APLF: variants seen among roughly 807,000 people sequenced by gnomAD.
APLF encodes aprataxin and PNKP like factor, also known as aprataxin and PNK-like factor.
A neutral mutation model predicts 55.6 loss-of-function variants in APLF; 61 were observed. The observed-to-expected ratio is 1.10, with a 90% CI of 0.89 to 1.36. APLF has a LOEUF of 1.36. Among genes scored for constraint, APLF ranks in the 40% most tolerant of loss-of-function variants. The pLI, the probability that APLF is intolerant of heterozygous loss-of-function variation, is 0.00. For synonymous variants in APLF, 207 were observed against 214.8 expected, an observed-to-expected ratio of 0.96 and a Z score of 0.32; for missense variants, 611 against 602.5, an observed-to-expected ratio of 1.01 and a Z score of -0.15.
intron 1 of APLF, among the ~76,000 whole-genome samples, chr2:68,488,923 GTAAC>G (rs1459677123): frequency 6.6e-6 from 1 of 151,892 alleles, no homozygotes; most frequent in Non-Finnish European, 1.5e-5. Flanking sequence ...GTATACATAT[GTAAC>G]TAACCTGCAC....
At chr2:68,495,339 A>C (rs943490902) in intron 2 of APLF, among the ~76,000 whole-genome samples, 1 of 152,176 alleles carries the variant, frequency 6.6e-6, no homozygotes, top group Admixed American at 6.5e-5. Flanking sequence ...TTGGGTAGAC[A>C]TCCCTGTTTC....
chr2:68,515,585 A>G (rs1446080545), intron 5 of APLF: 11 of 984,694 alleles, frequency 1.1e-5, no homozygotes, highest in Non-Finnish European at 1.3e-5. Flanking sequence ...CCCTTGGTAG[A>G]TGTCCCACAT....
intron 3 of APLF, among the ~76,000 whole-genome samples, chr2:68,505,934 T>C (rs552947040): frequency 9.2e-5 from 14 of 152,036 alleles, no homozygotes; most frequent in African/African-American, 3.4e-4. Flanking sequence ...CCTCTAATCA[T>C]GATTGGTTTT....
intron 5 of APLF, among the ~76,000 whole-genome samples, chr2:68,524,804 A>G (rs535868161): frequency 6.6e-6 from 1 of 152,248 alleles, no homozygotes; most frequent in South Asian, 2.1e-4. Flanking sequence ...TGAACAAGGC[A>G]TGTAAAGTTT....
intron 3 of APLF, among the ~76,000 whole-genome samples, chr2:68,508,919 C>T (rs374974969): frequency 6.6e-6 from 1 of 151,968 alleles, no homozygotes; most frequent in Non-Finnish European, 1.5e-5. Flanking sequence ...TAACACCACA[C>T]ATCTACAACC....
intron 5 of APLF, among the ~76,000 whole-genome samples, chr2:68,523,621 T>C (rs1225515212): frequency 1.3e-5 from 2 of 151,912 alleles, no homozygotes. Flanking sequence ...TTTTTAATGA[T>C]ACATATATAT....
At chr2:68,484,443 C>T (rs779081819) in intron 1 of APLF, among the ~76,000 whole-genome samples, 37 of 152,128 alleles carry the variant, frequency 2.4e-4, no homozygotes, top group South Asian at 4.1e-4. Flanking sequence ...AAGCCCAGCA[C>T]TTTGGGAGGC....
chr2:68,491,083 A>T (rs1182892714), intron 2 of APLF, among the ~76,000 whole-genome samples: 1 of 152,078 alleles, frequency 6.6e-6, no homozygotes, highest in African/African-American at 2.4e-5. Flanking sequence ...CATCTTTTTA[A>T]TTTTAGTACT....
At position 68,513,198 on chromosome 2, in the gene APLF, A is replaced by C; in HGVS notation, c.460A>C (p.Lys154Gln). The C allele has an allele frequency of 6.2e-7, 1 of 1,610,306 alleles. No homozygotes were observed. The highest frequency in any genetic ancestry group is 1.1e-5 in the South Asian group (1 of 90,600). The change falls in exon 4 of 10, where the codon AAG becomes CAG. Residue 154 changes from lysine to glutamine, a missense_variant. Coordinates refer to ENST00000303795, the MANE Select transcript of APLF (RefSeq NM_173545.3). ...SQLEGSTEIA[K>Q]TQMTPTNSVS... is the part of the protein sequence containing the mutation. ...ACTGGAAGGAAGCACAGAAATAGCCAAGACCCAGATGACTCCCACAAATAG... is the reference window on the plus strand; with the variant it reads ...ACTGGAAGGAAGCACAGAAATAGCCCAGACCCAGATGACTCCCACAAATAG...
chr2:68,503,274 ATTAAC>A (rs1676777738), intron 3 of APLF, among the ~76,000 whole-genome samples: 1 of 152,104 alleles, frequency 6.6e-6, no homozygotes, highest in South Asian at 2.1e-4. Context: ...TTATTAAGGT[ATTAAC>A]TTCTGACTTA....
At chr2:68,573,542 G>C (rs925539046) in intron 9 of APLF, among the ~76,000 whole-genome samples, 2 of 151,824 alleles carry the variant, frequency 1.3e-5, no homozygotes, top group South Asian at 4.1e-4. Context: ...GCGTGGTGGC[G>C]GGGGCCTGTA....
At chr2:68,485,180 A>G (rs2103897352) in intron 1 of APLF, among the ~76,000 whole-genome samples, 1 of 152,230 alleles carries the variant, frequency 6.6e-6, no homozygotes, top group Non-Finnish European at 1.5e-5. Flanking sequence ...CGTTTTCAAT[A>G]ATGCACTTTT....
At chr2:68,499,778 T>A (rs1276495113) in intron 2 of APLF, among the ~76,000 whole-genome samples, 3 of 152,006 alleles carry the variant, frequency 2.0e-5, no homozygotes, top group Non-Finnish European at 4.4e-5. Context: ...GCAGAGGTTG[T>A]AGTGAGTAGA....
intron 2 of APLF, among the ~76,000 whole-genome samples, chr2:68,492,365 C>T (rs927248505): frequency 6.6e-6 from 1 of 152,040 alleles, no homozygotes; most frequent in Non-Finnish European, 1.5e-5. Context: ...GTAGTCCCAG[C>T]TACTCTGGAG....
intron 8 of APLF, among the ~76,000 whole-genome samples, chr2:68,554,020 A>G (rs775801565): frequency 1.3e-5 from 2 of 152,092 alleles, no homozygotes; most frequent in Non-Finnish European, 2.9e-5. Context: ...AGATAATCTT[A>G]CTATTATACT....
chr2:68,518,993 G>GATAATATATTGTTAATATATAATAATAT (rs1669791700), intron 5 of APLF, among the ~76,000 whole-genome samples: 2 of 107,498 alleles, frequency 1.9e-5, no homozygotes, highest in Non-Finnish European at 3.4e-5. Context: ...TACAATATCT[G>GATAATATATTGTTAATATATAATAATAT]ATAATATATT....
At chr2:68,489,655 A>G (rs756228171) in intron 1 of APLF, among the ~76,000 whole-genome samples, 15 of 152,112 alleles carry the variant, frequency 9.9e-5, no homozygotes, top group Non-Finnish European at 2.2e-4. Flanking sequence ...GCCTTCCTGA[A>G]CTCTTAACTG....
intron 8 of APLF, among the ~76,000 whole-genome samples, chr2:68,548,846 A>G (rs771692463): frequency 6.6e-6 from 1 of 151,934 alleles, no homozygotes; most frequent in Admixed American, 6.6e-5. Flanking sequence ...TTGTGCAGCT[A>G]TCGACTCATG....
chr2:68,532,696 T>C (rs1447909438), intron 6 of APLF, among the ~76,000 whole-genome samples: 1 of 152,236 alleles, frequency 6.6e-6, no homozygotes, highest in African/African-American at 2.4e-5. Context: ...CTTGTATGTC[T>C]TTCTACAACT....
Sources: allele counts gnomAD v4.1 joint callset (sites outside exome capture counted in the v4.1 genomes callset), GRCh38; gene constraint gnomAD v4.1.1; transcripts MANE v1.5; gene names NCBI Gene and HGNC (gene_info 2026-07-23, HGNC 2026-07-21).